VWA8: variants seen among roughly 807,000 people sequenced by gnomAD.
The protein encoded by VWA8 is von Willebrand factor A domain-containing protein 8.
A neutral mutation model predicts 241.5 loss-of-function variants in VWA8; 221 were observed. That is an observed-to-expected ratio of 0.91 (90% CI 0.82 to 1.02). The LOEUF is 1.02. VWA8 is among the 50% of genes least tolerant of loss of function. VWA8 has a pLI of 0.00. For missense variants in VWA8, 2,322 were observed against 2,328.7 expected (o/e 1.00, Z 0.06); for synonymous variants, 852 against 827.1 (o/e 1.03, Z -0.52).
chr13:41,816,830 C>T, intron 15 of VWA8, 55 bp from the exon 16 acceptor site: 2 of 1,313,604 alleles, frequency 1.5e-6, no homozygotes, highest in Non-Finnish European at 2.2e-6. Flanking sequence ...GATATCTGAT[C>T]AATCAATCAG....
intron 27 of VWA8, among the ~76,000 whole-genome samples, chr13:41,702,215 C>A (rs1406217909): frequency 6.6e-6 from 1 of 152,036 alleles, no homozygotes; most frequent in African/African-American, 2.4e-5. Flanking sequence ...ATTTGCATGC[C>A]CTACAGTCCT....
chr13:41,959,510 A>AAC (rs1555249159), intron 1 of VWA8, among the ~76,000 whole-genome samples: 1 of 149,960 alleles, frequency 6.7e-6, no homozygotes, highest in Non-Finnish European at 1.5e-5. Context: ...AAAAAAAAAA[A>AAC]CAAAAAGTAA....
chr13:41,568,226 A>G lies in VWA8; in HGVS notation c.5689T>C (p.Phe1897Leu), dbSNP rs201705320. The G allele has an allele frequency of 3.7e-5, 59 of 1,614,028 alleles. No individual in the cohort carries two copies. In the African/African-American group the frequency reaches 7.2e-4, roughly 20 times the overall value. ...KDIPQILQQI[F>L]TSTMLSSV ...ACACTCGACAACATGGTGGAGGTGA[A>G]GATCTGTTGTAAAATCTGAGGGATA... The change falls in exon 45 of 45, where the codon TTC becomes CTC. Residue 1897 changes from phenylalanine to leucine, a missense_variant. Physicochemically the swap from Phe to Leu is conservative, Grantham distance 22. Transcript: ENST00000379310.
chr13:41,888,377 A>G (rs1385176032), intron 5 of VWA8, among the ~76,000 whole-genome samples: 1 of 152,172 alleles, frequency 6.6e-6, no homozygotes, highest in African/African-American at 2.4e-5. Flanking sequence ...GATGGCACTT[A>G]AGGCCTTTCC....
At chr13:41,605,802 C>T (rs140563374) in intron 39 of VWA8, among the ~76,000 whole-genome samples, 2 of 152,248 alleles carry the variant, frequency 1.3e-5, no homozygotes, top group African/African-American at 2.4e-5. Flanking sequence ...TAATGTGCTG[C>T]TATGTATCCC....
intron 37 of VWA8, among the ~76,000 whole-genome samples, chr13:41,663,143 T>C (rs915418071): frequency 1.3e-5 from 2 of 152,168 alleles, no homozygotes; most frequent in Non-Finnish European, 1.5e-5. Flanking sequence ...AGGTGAGTGC[T>C]TGTTCCACTG....
At chr13:41,928,836 GA>G (rs1440947443) in intron 2 of VWA8, among the ~76,000 whole-genome samples, 1 of 149,906 alleles carries the variant, frequency 6.7e-6, no homozygotes, top group African/African-American at 2.5e-5. Flanking sequence ...TTGTTTAAGG[GA>G]AAAAAAAAAG....
chr13:41,618,563 G>A (rs543674970), intron 37 of VWA8, among the ~76,000 whole-genome samples: 2 of 152,294 alleles, frequency 1.3e-5, no homozygotes, highest in East Asian at 1.9e-4. Flanking sequence ...CCTATGTCCT[G>A]AATGGTATTG....
intron 16 of VWA8, among the ~76,000 whole-genome samples, chr13:41,815,597 G>A (rs1870656103): frequency 6.6e-6 from 1 of 152,202 alleles, no homozygotes; most frequent in African/African-American, 2.4e-5. Flanking sequence ...AAGGGGCAAG[G>A]AATAGATTCT....
chr13:41,624,062 G>A (rs1328599419), intron 37 of VWA8, among the ~76,000 whole-genome samples: 1 of 152,064 alleles, frequency 6.6e-6, no homozygotes. Flanking sequence ...ACACAAACTA[G>A]AAAATCTAGA....
chr13:41,890,385 C>A (rs1474430093), intron 5 of VWA8, among the ~76,000 whole-genome samples: 1 of 152,206 alleles, frequency 6.6e-6, no homozygotes, highest in Non-Finnish European at 1.5e-5. Context: ...ACAGGCAGAG[C>A]AGTCAGTCAC....
chr13:41,745,085 C>T (rs1458592587), intron 21 of VWA8, among the ~76,000 whole-genome samples: 5 of 152,016 alleles, frequency 3.3e-5, no homozygotes, highest in Admixed American at 2.0e-4. Flanking sequence ...ATTATCCACC[C>T]GCCTTGGCTT....
Position 41,649,389 on chromosome 13 carries a change from ATTAT to A in VWA8, c.4611+21553_4611+21556del, listed in dbSNP as rs543358693. Among the ~76,000 whole-genome samples, 16 of 152,322 alleles carry A rather than the reference ATTAT, an allele frequency of 1.1e-4. 1 individual carries two copies. In the South Asian group the frequency reaches 3.3e-3, roughly 32 times the overall value. The stretch of plus-strand genomic sequence containing the variant: ...AATAATTGTAAAATGAACACTAGTA[ATTAT>A]TTAATGACAAGAATATGTCCTATAG... On this transcript the variant is annotated intron_variant, in intron 37 of 44. Transcript: ENST00000379310.
At chr13:41,767,626 G>A (rs777658727) in intron 20 of VWA8, among the ~76,000 whole-genome samples, 7 of 151,988 alleles carry the variant, frequency 4.6e-5, no homozygotes, top group Admixed American at 6.6e-5. Context: ...TCGTTGTAAC[G>A]GTCAACAAAC....
intron 4 of VWA8, among the ~76,000 whole-genome samples, chr13:41,904,465 T>C (rs1875604011): frequency 6.6e-6 from 1 of 151,910 alleles, no homozygotes; most frequent in Non-Finnish European, 1.5e-5. Context: ...CTCCTCACTA[T>C]TCCAGCTCAA....
intron 21 of VWA8, among the ~76,000 whole-genome samples, chr13:41,756,339 T>C (rs2045694896): frequency 2.0e-5 from 3 of 151,750 alleles, no homozygotes. Context: ...ATTGTCTCCT[T>C]TTTCGCTGGT....
chr13:41,899,458 A>C (rs1325305888), intron 4 of VWA8, among the ~76,000 whole-genome samples: 1 of 152,200 alleles, frequency 6.6e-6, no homozygotes, highest in East Asian at 1.9e-4. Context: ...CCCAGAACAT[A>C]TGAAAACTAA....
Position 41,732,120 on chromosome 13 carries a change from G to T in VWA8, c.2462C>A (p.Ser821Ter). 3 of 1,613,070 alleles carry T rather than the reference G, an allele frequency of 1.9e-6. No individual in the cohort carries two copies. Among genetic ancestry groups the T allele is most frequent in the Non-Finnish European group, 2.5e-6 (3 of 1,179,482 alleles). Reference protein sequence around the residue: ...TTVQTLTLQPSVKDGLIVYED... With the variant: ...TTVQTLTLQP Reference sequence around the variant, plus strand: ...ATATACAATAAGTCCGTCTTTAACCGAAGGCTGAAGCGTAAGAGTTTGTAC... The same window carrying T: ...ATATACAATAAGTCCGTCTTTAACCTAAGGCTGAAGCGTAAGAGTTTGTAC... Residue 821 changes from serine (S) to a stop codon, truncating the protein, a stop_gained, in exon 22 of 45, where the codon TCG (serine) becomes TAG (stop). Coordinates refer to ENST00000379310, the MANE Select transcript of VWA8 (RefSeq NM_015058.2). LOFTEE classifies it high-confidence loss of function.
intron 37 of VWA8, among the ~76,000 whole-genome samples, chr13:41,666,289 G>T (rs9315855): frequency 0.13 from 20,001 of 152,002 alleles, 1,897 homozygotes; most frequent in African/African-American, 0.28. Flanking sequence ...ATGGCCAATT[G>T]GTTACTGGGA....
Sources: gnomAD v4.1 joint callset for allele counts (sites outside exome capture counted in the v4.1 genomes callset) on GRCh38, gnomAD v4.1.1 for gene constraint, MANE v1.5 for transcripts, NCBI Gene and HGNC (gene_info 2026-07-23, HGNC 2026-07-21) for gene names.